Variants in DLG3 observed in about 807,000 individuals in gnomAD.
DLG3 encodes discs large MAGUK scaffold protein 3.
DLG3 carries 1 observed loss-of-function variant against 64.1 expected under a neutral mutation model. The observed-to-expected ratio is 0.02, with a 90% confidence interval of 0.01 to 0.07. The LOEUF is 0.07. Ranked by LOEUF, DLG3 falls within the 10% of genes least tolerant of loss-of-function variation. The pLI is 1.00. For synonymous variants in DLG3, 245 were observed against 259.8 expected (o/e 0.94, Z 0.55); for missense variants, 429 against 669.5 (o/e 0.64, Z 3.96).
At chrX:70,475,410 T>G (rs1001849668) in intron 9 of DLG3, among the ~76,000 whole-genome samples, 2 of 111,257 alleles carry the variant, frequency 1.8e-5, no homozygotes, top group Non-Finnish European at 3.8e-5. Flanking sequence ...CAGGCTGGAG[T>G]GCAGTGGCGC....
At chrX:70,500,728 T>C in intron 17 of DLG3, 148 bp downstream of exon 17, 1 of 670,535 alleles carries the variant, frequency 1.5e-6, no homozygotes. Context: ...TGAGGGCTTG[T>C]GCATATGTTC....
chrX:70,462,950 AT>A lies in DLG3; in HGVS notation c.1405+8636del, dbSNP rs754099699. Among the ~76,000 whole-genome samples the A allele has an allele frequency of 1.3e-3, 139 of 110,989 alleles. 1 individual carries two copies. The highest frequency in any genetic ancestry group is 4.4e-3 in the African/African-American group (133 of 30,563). On this transcript the variant is annotated intron_variant, in intron 9 of 18. Coordinates refer to ENST00000374360, the MANE Select transcript of DLG3 (RefSeq NM_021120.4). ...GTGTGTTTGTTTTGGGCTTTTCTTT[AT>A]TCTATGTAACCCAAGGACATGGTGC... is the stretch of plus-strand genomic sequence containing the variant.
chrX:70,475,679 A>T (rs763547885), intron 9 of DLG3, among the ~76,000 whole-genome samples: 12 of 112,439 alleles, frequency 1.1e-4, no homozygotes, highest in African/African-American at 3.9e-4. Context: ...CATGTATATA[A>T]GCCATATATG....
chrX:70,445,306 C>T lies in DLG3; in HGVS notation c.105C>T (p.Val35=), dbSNP rs1294792908. The part of the protein sequence containing the change: ...LEPPGYGDWQ[V]PDPYGPGGGN... ...CTCCGGGCTACGGCGACTGGCAAGTCCCCGACCCTTACGGGCCAGGTGGGG... is the reference window on the plus strand; with the variant it reads ...CTCCGGGCTACGGCGACTGGCAAGTTCCCGACCCTTACGGGCCAGGTGGGG... The change falls in exon 1 of 19, where the codon GTC becomes GTT. Residue 35 remains valine, a synonymous_variant. Transcript: ENST00000374360. 5.7e-5 allele frequency: 66 copies of T among 1,166,011 alleles called. No homozygotes were observed. The highest frequency in any genetic ancestry group is 7.2e-5 in the Non-Finnish European group (63 of 873,862).
chrX:70,483,020 C>G (rs111606335), intron 10 of DLG3, among the ~76,000 whole-genome samples: 3,215 of 110,994 alleles, frequency 0.029, 55 homozygotes, highest in South Asian at 0.067. Context: ...GCAGCTCACA[C>G]CAGTAATCCC....
At chrX:70,493,338 C>A (rs878883145) in intron 12 of DLG3, 10 of 1,010,998 alleles carry the variant, frequency 9.9e-6, no homozygotes, top group Middle Eastern at 2.6e-4. Flanking sequence ...TTTTTTTTTT[C>A]TTCTGTCCTT....
At chrX:70,498,114 C>T (rs1433764594) in intron 13 of DLG3, among the ~76,000 whole-genome samples, 1 of 111,716 alleles carries the variant, frequency 9.0e-6, no homozygotes, top group Non-Finnish European at 1.9e-5. Flanking sequence ...GGGTGTGTGC[C>T]CTGACTCCCC....
At chrX:70,448,809 G>A in intron 1 of DLG3, 104 bp from the exon 2 acceptor site, 1 of 1,055,229 alleles carries the variant, frequency 9.5e-7, no homozygotes, top group Non-Finnish European at 1.3e-6. Flanking sequence ...GGGTGCACTT[G>A]GGCTCTTCTA....
At chrX:70,488,993 A>C (rs2087306799) in intron 10 of DLG3, among the ~76,000 whole-genome samples, 1 of 112,633 alleles carries the variant, frequency 8.9e-6, no homozygotes, top group African/African-American at 3.2e-5. Flanking sequence ...TTGGGAAATT[A>C]GAGTTAGACA....
At chrX:70,447,286 G>T in intron 1 of DLG3, among the ~76,000 whole-genome samples, 1 of 111,962 alleles carries the variant, frequency 8.9e-6, no homozygotes, top group Non-Finnish European at 1.9e-5. Flanking sequence ...CTTGTCACAT[G>T]TGGGCACACA....
intron 8 of DLG3, 66 bp downstream of exon 8, chrX:70,453,859 C>T: frequency 5.0e-6 from 5 of 1,004,001 alleles, no homozygotes; most frequent in Non-Finnish European, 6.7e-6. Flanking sequence ...AGCGAGAGAC[C>T]TTACTTCCTC....
intron 9 of DLG3, among the ~76,000 whole-genome samples, chrX:70,476,095 G>A (rs780319365): frequency 3.6e-5 from 4 of 111,696 alleles, no homozygotes; most frequent in Non-Finnish European, 7.5e-5. Flanking sequence ...ACCCCAACTT[G>A]TCAGTGACTG....
At chrX:70,498,455 C>T (rs774274931) in intron 13 of DLG3, 65 bp from the exon 14 acceptor site, 6 of 1,098,879 alleles carry the variant, frequency 5.5e-6, no homozygotes, top group Non-Finnish European at 7.5e-6. Context: ...GGGAGGGGTA[C>T]GGGGAGTACT....
chrX:70,486,678 C>A (rs1429712305), intron 10 of DLG3, among the ~76,000 whole-genome samples: 1 of 95,247 alleles, frequency 1.0e-5, no homozygotes, highest in Non-Finnish European at 2.0e-5. Context: ...TTCATGCTCA[C>A]TCTAATTTTG....
intron 9 of DLG3, among the ~76,000 whole-genome samples, chrX:70,461,162 A>G (rs747129520): frequency 8.9e-6 from 1 of 111,884 alleles, no homozygotes; most frequent in East Asian, 2.8e-4. Context: ...TTAGGCTGCA[A>G]CATTTTACAT....
At chrX:70,486,721 G>A (rs1253919781) in intron 10 of DLG3, among the ~76,000 whole-genome samples, 7 of 101,510 alleles carry the variant, frequency 6.9e-5, no homozygotes, top group Non-Finnish European at 9.8e-5. Context: ...GCTATGTCAT[G>A]TGGGCCTTGC....
intron 6 of DLG3, 100 bp from the exon 7 acceptor site, chrX:70,451,767 C>T: frequency 9.7e-7 from 1 of 1,033,239 alleles, no homozygotes; most frequent in Non-Finnish European, 1.3e-6. Flanking sequence ...CCCTTGGTCT[C>T]TTTTGCATCT....
chrX:70,456,590 T>C (rs773379746), intron 9 of DLG3, among the ~76,000 whole-genome samples: 1 of 111,867 alleles, frequency 8.9e-6, no homozygotes, highest in African/African-American at 3.3e-5. Flanking sequence ...ATAATGTAGG[T>C]TGAGGTGCTG....
intron 9 of DLG3, among the ~76,000 whole-genome samples, chrX:70,459,298 A>G (rs1358980441): frequency 8.9e-6 from 1 of 112,814 alleles, no homozygotes; most frequent in Non-Finnish European, 1.9e-5. Context: ...CTGAATAAGC[A>G]TACTTTTACC....
Sources: gnomAD v4.1 joint callset for allele counts (sites outside exome capture counted in the v4.1 genomes callset) on GRCh38, gnomAD v4.1.1 for gene constraint, MANE v1.5 for transcripts, NCBI Gene and HGNC (gene_info 2026-07-23, HGNC 2026-07-21) for gene names.